The following PIGN variants were observed in gnomAD, a reference collection of about 807,000 sequenced individuals.
PIGN encodes the protein GPI ethanolamine phosphate transferase 1.
In PIGN, 117 loss-of-function variants were observed where a neutral mutation model predicts 125.4. The ratio of observed to expected loss-of-function variants is 0.93; its 90% CI spans 0.80 to 1.09. PIGN has a LOEUF of 1.09. Ranked by LOEUF, PIGN falls within the 50% of genes least tolerant of loss-of-function variation. The pLI is 0.00. For synonymous variants in PIGN, 392 were observed against 377.8 expected (o/e 1.04, Z -0.44); for missense variants, 1,075 against 1,094.9 (o/e 0.98, Z 0.26).
In PIGN at chr18:62,174,173, C is replaced by T. The variant is rs551776919; in HGVS notation, c.-235-10517G>A. The stretch of plus-strand genomic sequence containing the variant: ...AGTTTACAGTGAACCAAGATCATGC[C>T]ACTGCACTCCAGCCTGGGCGACAAA... On this transcript the variant is annotated intron_variant, in intron 1 of 30. Transcript: ENST00000640252. Among the ~76,000 whole-genome samples, 140 of 150,496 alleles carry T rather than the reference C, an allele frequency of 9.3e-4. 1 individual carries two copies. The highest frequency in any genetic ancestry group is 3.4e-3 in the Middle Eastern group (1 of 292).
chr18:62,165,039 G>C (rs1459661178), intron 1 of PIGN, among the ~76,000 whole-genome samples: 1 of 152,172 alleles, frequency 6.6e-6, no homozygotes, highest in Non-Finnish European at 1.5e-5. Context: ...GTGGAGCCTA[G>C]TGAGAGGTGT....
intron 23 of PIGN, among the ~76,000 whole-genome samples, chr18:62,034,749 G>T (rs2030235620): frequency 6.6e-6 from 1 of 152,182 alleles, no homozygotes; most frequent in South Asian, 2.1e-4. Context: ...TATTTAGGAA[G>T]TAATTTTGAT....
At chr18:62,127,132 A>C (rs74960649) in intron 14 of PIGN, among the ~76,000 whole-genome samples, 10,168 of 152,152 alleles carry the variant, frequency 0.067, 637 homozygotes, top group African/African-American at 0.16. Flanking sequence ...TACTTGGGGG[A>C]AGTATCATTC....
chr18:62,178,233 A>C lies in PIGN; in HGVS notation c.-236+8611T>G, dbSNP rs559572775. On this transcript the variant is annotated intron_variant, in intron 1 of 30. Coordinates refer to ENST00000640252, the MANE Select transcript of PIGN (RefSeq NM_176787.5). ...ATGGTAATCCAGTGGATTAAATGCC[A>C]CAGCACTCTGAAATTCAGCTGCCCT... Among the ~76,000 whole-genome samples the C allele has an allele frequency of 3.3e-4, 50 of 152,222 alleles. 1 individual carries two copies. Among genetic ancestry groups the C allele is most frequent in the African/African-American group, 1.2e-3 (49 of 41,546 alleles).
chr18:62,166,391 G>A (rs187329168), intron 1 of PIGN, among the ~76,000 whole-genome samples: 2 of 152,288 alleles, frequency 1.3e-5, no homozygotes, highest in African/African-American at 4.8e-5. Context: ...ACATTCTGTA[G>A]CTATTGTTAA....
chr18:62,105,305 A>G (rs1035797890), intron 20 of PIGN: 1 of 293,812 alleles, frequency 3.4e-6, no homozygotes, highest in Non-Finnish European at 6.5e-6. Context: ...AATGGGCGGG[A>G]TTTTAAGTTA....
chr18:62,180,597 T>C (rs897420737), intron 1 of PIGN, among the ~76,000 whole-genome samples: 6 of 152,178 alleles, frequency 3.9e-5, no homozygotes, highest in African/African-American at 9.6e-5. Context: ...TACTAGTGAG[T>C]ATGAAAATTT....
chr18:62,049,513 G>A lies in PIGN; in HGVS notation c.2673-3534C>T, dbSNP rs1047631098. Among the ~76,000 whole-genome samples the A allele has an allele frequency of 3.1e-3, 469 of 152,056 alleles. 1 individual carries two copies. Among genetic ancestry groups the A allele is most frequent in the African/African-American group, 0.011 (441 of 41,474 alleles). On this transcript the variant is annotated intron_variant, in intron 30 of 30. Transcript: ENST00000640252. ...GCATAAATGTCTTCTTTTGAGAAGT[G>A]TCTGTCCATGTCCTTCGCCCACTTT...
chr18:62,078,531 C>G (rs1031856373), intron 28 of PIGN, among the ~76,000 whole-genome samples: 3 of 152,222 alleles, frequency 2.0e-5, no homozygotes, highest in Non-Finnish European at 2.9e-5. Context: ...TCACCACGTT[C>G]CTTTGAATGT....
At chr18:62,069,058 C>T (rs959656772) in intron 30 of PIGN, among the ~76,000 whole-genome samples, 1 of 152,150 alleles carries the variant, frequency 6.6e-6, no homozygotes, top group Admixed American at 6.5e-5. Flanking sequence ...TTTCTCATCC[C>T]CAGCAACTCT....
intron 22 of PIGN, among the ~76,000 whole-genome samples, chr18:62,096,185 C>T (rs546442811): frequency 3.2e-4 from 49 of 152,222 alleles, no homozygotes; most frequent in African/African-American, 1.1e-3. Flanking sequence ...ATCCCAGCTA[C>T]TCAGGAGGCT....
At chr18:62,037,749 T>C (rs1313667014), downstream of PIGN, among the ~76,000 whole-genome samples, 1 of 152,210 alleles carries the variant, frequency 6.6e-6, no homozygotes, top group Non-Finnish European at 1.5e-5. Flanking sequence ...CCAGTGTTTG[T>C]TGCTTTTGCT....
At position 62,072,660 on chromosome 18, in the gene PIGN, A is replaced by G; in HGVS notation, c.2672+13T>C. 6.3e-7 allele frequency: 1 copy of G among 1,597,112 alleles called. No individual in the cohort carries two copies. Among genetic ancestry groups the G allele is most frequent in the African/African-American group, 1.3e-5 (1 of 74,644 alleles). On this transcript the variant is annotated intron_variant, in intron 30 of 30. Transcript: ENST00000640252. ...CCCTGTTGTTAAGCAATGCATGACC[A>G]TATATACTATACCTTGTCCCAATAT...
At chr18:62,033,765 G>A (rs1014182739) in intron 23 of PIGN, among the ~76,000 whole-genome samples, 4 of 152,116 alleles carry the variant, frequency 2.6e-5, no homozygotes, top group Non-Finnish European at 4.4e-5. Context: ...TTCACCAGCT[G>A]TATCATCTAT....
At chr18:62,035,556 T>C (rs532678862) in intron 23 of PIGN, among the ~76,000 whole-genome samples, 1 of 152,182 alleles carries the variant, frequency 6.6e-6, no homozygotes, top group Non-Finnish European at 1.5e-5. Context: ...CTTTAAGTTC[T>C]AGGGTACATG....
chr18:62,173,547 T>G (rs1055080370), intron 1 of PIGN, among the ~76,000 whole-genome samples: 8 of 152,212 alleles, frequency 5.3e-5, no homozygotes, highest in African/African-American at 1.9e-4. Flanking sequence ...GTGTCTATTT[T>G]GGATGCACTT....
rs780384079 is a variant in PIGN at position 62,045,931 on chromosome 18, G to C, written c.2721C>G (p.Phe907Leu). The C allele has an allele frequency of 7.4e-6, 12 of 1,613,294 alleles. No homozygotes were observed. Among genetic ancestry groups the C allele is most frequent in the Non-Finnish European group, 1.0e-5 (12 of 1,179,620 alleles). ...TGAGCAGCTGGGCCAGGCCATTGAG[G>C]AACACCAAAAAGATGGTCATGGACA... ...IVMSMTIFLVFLNGLAQLLTT... is the reference protein window; with the variant it reads ...IVMSMTIFLVLLNGLAQLLTT... Residue 907 changes from phenylalanine (F) to leucine (L), a missense_variant, in exon 31 of 31, where the codon TTC becomes TTG. Physicochemically the swap from Phe to Leu is conservative, Grantham distance 22. Transcript: ENST00000640252.
chr18:62,119,338 T>C (rs2035208498), intron 14 of PIGN, among the ~76,000 whole-genome samples: 1 of 152,192 alleles, frequency 6.6e-6, no homozygotes, highest in African/African-American at 2.4e-5. Context: ...TTATTGGTAT[T>C]ATCAGGTACA....
rs150804173 is a variant in PIGN, at chr18:62,132,648, C to T, written c.1172+5595G>A. Among the ~76,000 whole-genome samples, 234 of 151,988 alleles carry T rather than the reference C, an allele frequency of 1.5e-3. 1 individual carries two copies. Among genetic ancestry groups the T allele is most frequent in the African/African-American group, 5.3e-3 (218 of 41,460 alleles). On this transcript the variant is annotated intron_variant, in intron 14 of 30. Transcript: ENST00000640252. ...CTTGAGCCCAGGAGTTCAAGATAAG[C>T]TTGGGCAACATAGGGAGATCCCATC...
Sources: gnomAD v4.1 joint callset for allele counts (sites outside exome capture counted in the v4.1 genomes callset) on GRCh38, gnomAD v4.1.1 for gene constraint, MANE v1.5 for transcripts, NCBI Gene and HGNC (gene_info 2026-07-23, HGNC 2026-07-21) for gene names.